The following SYN3 variants were observed in gnomAD, a reference collection of about 807,000 sequenced individuals.
The protein encoded by SYN3 is synapsin III, also known as synapsin-3.
In SYN3, 35 loss-of-function variants were observed where a neutral mutation model predicts 65.8. The observed-to-expected ratio is 0.53, with a 90% confidence interval of 0.41 to 0.70. SYN3 has a LOEUF of 0.70. Among genes scored for constraint, SYN3 ranks in the 30% least tolerant of loss-of-function variants. The pLI, the probability that SYN3 is intolerant of heterozygous loss-of-function variation, is 0.00. For synonymous variants in SYN3, 270 were observed against 292.9 expected (o/e 0.92, Z 0.80); for missense variants, 680 against 749.0 (o/e 0.91, Z 1.08).
chr22:32,683,238 C>T (rs1280401162), intron 6 of SYN3, among the ~76,000 whole-genome samples: 1 of 151,998 alleles, frequency 6.6e-6, no homozygotes, highest in African/African-American at 2.4e-5. Flanking sequence ...CGGAGGGGAG[C>T]GGGGTGGGGG....
intron 6 of SYN3, among the ~76,000 whole-genome samples, chr22:32,758,705 T>TATATATATATATATATATATATA (rs1277216646): frequency 1.3e-3 from 139 of 109,634 alleles, no homozygotes; most frequent in Non-Finnish European, 1.8e-3. Context: ...TATATATGTC[T>TATATATATATATATATATATATA]TATTAGTTCT....
chr22:32,807,542 AAC>A (rs1236424393), intron 6 of SYN3, among the ~76,000 whole-genome samples: 1 of 148,382 alleles, frequency 6.7e-6, no homozygotes, highest in Admixed American at 6.8e-5. Flanking sequence ...AACTTACATT[AAC>A]TCATTTAATT....
intron 2 of SYN3, among the ~76,000 whole-genome samples, chr22:33,005,220 C>T (rs2053165017): frequency 1.3e-5 from 2 of 152,312 alleles, no homozygotes; most frequent in Middle Eastern, 6.8e-3. Flanking sequence ...GATACACCTA[C>T]TATGTGGCCA....
At chr22:33,040,098 C>T (rs968493013) in intron 1 of SYN3, among the ~76,000 whole-genome samples, 1 of 151,164 alleles carries the variant, frequency 6.6e-6, no homozygotes, top group African/African-American at 2.4e-5. Context: ...GGCGCGATCT[C>T]GGCTCACTGC....
intron 6 of SYN3, among the ~76,000 whole-genome samples, chr22:32,842,958 ATCT>A (rs1349379528): frequency 1.3e-5 from 2 of 152,294 alleles, no homozygotes; most frequent in African/African-American, 2.4e-5. Context: ...TTAGGTATCA[ATCT>A]TCTTCTCTGA....
At chr22:33,058,163 C>G (rs2145997019) in intron 1 of SYN3, 129 bp downstream of exon 1, 1 of 152,398 alleles carries the variant, frequency 6.6e-6, no homozygotes, top group Admixed American at 6.5e-5. Flanking sequence ...CCGCATCCCG[C>G]GGACACAGAG....
intron 6 of SYN3, among the ~76,000 whole-genome samples, chr22:32,852,746 T>G (rs923498781): frequency 5.3e-5 from 8 of 151,994 alleles, no homozygotes; most frequent in Non-Finnish European, 1.0e-4. Flanking sequence ...TATGTGTGTG[T>G]GTGTGAGGGA....
intron 7 of SYN3, among the ~76,000 whole-genome samples, chr22:32,592,931 G>A (rs190942092): frequency 2.6e-5 from 4 of 152,266 alleles, no homozygotes; most frequent in African/African-American, 9.6e-5. Flanking sequence ...TTTGGGATAG[G>A]CCAGCAATTG....
At chr22:32,869,933 T>C (rs1312243630) in intron 4 of SYN3, among the ~76,000 whole-genome samples, 4 of 152,074 alleles carry the variant, frequency 2.6e-5, no homozygotes, top group African/African-American at 4.8e-5. Context: ...GAGAGCCGCA[T>C]TGGAACTCAG....
At chr22:32,892,370 A>T (rs1220013316) in intron 4 of SYN3, among the ~76,000 whole-genome samples, 1 of 152,178 alleles carries the variant, frequency 6.6e-6, no homozygotes, top group Non-Finnish European at 1.5e-5. Flanking sequence ...CACGCTCTGC[A>T]CCTATTCTAG....
chr22:33,055,755 A>G (rs1045011779), intron 1 of SYN3, among the ~76,000 whole-genome samples: 1 of 152,256 alleles, frequency 6.6e-6, no homozygotes, highest in Non-Finnish European at 1.5e-5. Flanking sequence ...GTTATTCTCT[A>G]TCACATACTG....
intron 3 of SYN3, among the ~76,000 whole-genome samples, chr22:32,948,668 C>A (rs1299706068): frequency 1.3e-5 from 2 of 151,950 alleles, no homozygotes; most frequent in African/African-American, 2.4e-5. Context: ...ACCTGCGAGG[C>A]GGAGCTTGCA....
chr22:33,019,275 C>T (rs1368285259), intron 1 of SYN3, among the ~76,000 whole-genome samples: 1 of 152,178 alleles, frequency 6.6e-6, no homozygotes, highest in African/African-American at 2.4e-5. Flanking sequence ...AGTCCATATC[C>T]TTTGTATATA....
At chr22:32,923,122 G>A (rs1197974662) in intron 4 of SYN3, among the ~76,000 whole-genome samples, 1 of 152,164 alleles carries the variant, frequency 6.6e-6, no homozygotes, top group African/African-American at 2.4e-5. Context: ...TTGAGAACCA[G>A]GAGTGTCAAC....
At chr22:32,771,339 C>T (rs551628934) in intron 6 of SYN3, among the ~76,000 whole-genome samples, 11 of 152,120 alleles carry the variant, frequency 7.2e-5, no homozygotes, top group East Asian at 1.9e-4. Context: ...AGTTGAGTAC[C>T]GGAGGAAAAA....
At chr22:32,993,356 T>C (rs1569387764) in intron 2 of SYN3, among the ~76,000 whole-genome samples, 1 of 152,248 alleles carries the variant, frequency 6.6e-6, no homozygotes, top group East Asian at 1.9e-4. Flanking sequence ...CTTTTGTTTG[T>C]TTGTTTTGTT....
rs16991329 is a variant in SYN3 at position 32,836,499 on chromosome 22, A to T, written c.711+28416T>A. Among the ~76,000 whole-genome samples the T allele has an allele frequency of 9.8e-5, 15 of 152,316 alleles. No individual in the cohort carries two copies. The East Asian group carries it at 2.9e-3, about 29-fold the overall frequency. On this transcript the variant is annotated intron_variant, in intron 6 of 13. Coordinates refer to ENST00000358763, the MANE Select transcript of SYN3 (RefSeq NM_003490.4). ...TTAGCATTCTTTACTTATTTATTTT[A>T]TTTAAAATGAAGGTTTCCTTAAAAG...
intron 6 of SYN3, among the ~76,000 whole-genome samples, chr22:32,609,684 G>T (rs1407514878): frequency 6.6e-6 from 1 of 151,918 alleles, no homozygotes; most frequent in African/African-American, 2.4e-5. Context: ...AGGAGACAGG[G>T]TCTCGCTTTG....
intron 10 of SYN3, 149 bp from the exon 11 acceptor site, chr22:32,529,157 T>A (rs1165993016): frequency 1.1e-6 from 1 of 944,942 alleles, no homozygotes; most frequent in East Asian, 2.5e-5. Context: ...CAGCTGGGAC[T>A]GGCCGGCAGC....
Sources: gnomAD v4.1 joint callset for allele counts (sites outside exome capture counted in the v4.1 genomes callset) on GRCh38, gnomAD v4.1.1 for gene constraint, MANE v1.5 for transcripts, NCBI Gene and HGNC (gene_info 2026-07-23, HGNC 2026-07-21) for gene names.